HLA-DPA1: variants seen among roughly 807,000 people sequenced by gnomAD.
The protein encoded by HLA-DPA1 is major histocompatibility complex, class II, DP alpha 1.
In HLA-DPA1, 20 loss-of-function variants were observed where a neutral mutation model predicts 21.5. The observed-to-expected ratio is 0.93, with a 90% CI of 0.66 to 1.35. HLA-DPA1 has a LOEUF of 1.35. HLA-DPA1 is among the 40% of genes most tolerant of loss of function. HLA-DPA1 has a pLI of 0.00. For missense variants in HLA-DPA1, 279 were observed against 323.0 expected, an observed-to-expected ratio of 0.86 and a Z score of 1.05; for synonymous variants, 123 against 129.6, an observed-to-expected ratio of 0.95 and a Z score of 0.35.
chr6:33,080,655 C>A lies in HLA-DPA1; in HGVS notation c.-100+25G>T. The A allele has an allele frequency of 6.2e-7, 1 of 1,612,178 alleles. No individual in the cohort carries two copies. The highest frequency in any genetic ancestry group is 8.5e-7 in the Non-Finnish European group (1 of 1,179,226). On this transcript the variant is annotated intron_variant, in intron 1 of 5. Coordinates refer to ENST00000419277, the Ensembl canonical transcript of HLA-DPA1. This position sits in a 1 kb window ranked among gnomAD's most constrained non-coding sequence, Gnocchi z 4.3. ...ATGAGAGTGGCGCCTCCGCTCATGT[C>A]CGCCCCCTCCCCGCAGAGAATTACC...
chr6:33,069,798 G>A, exon 3 of HLA-DPA1: 1 of 1,611,302 alleles, frequency 6.2e-7, no homozygotes, highest in Non-Finnish European at 8.5e-7. Context: ...GATCCACATA[G>A]AACATCTCAT....
Position 33,070,937 on chromosome 6 carries a change from T to C in HLA-DPA1, c.101-1051A>G, listed in dbSNP as rs147581225. On this transcript the variant is annotated intron_variant, in intron 2 of 5. Transcript: ENST00000419277. ...TTGTTTCTTAGTCTTTATTAGTTTG[T>C]AAGAATTAGCAAAGATAAGAGGATA... Among the ~76,000 whole-genome samples the C allele has an allele frequency of 3.6e-3, 542 of 152,334 alleles. 3 individuals are homozygous for C. The highest frequency in any genetic ancestry group is 0.026 in the East Asian group (133 of 5,190).
intron 5 of HLA-DPA1, chr6:33,068,226 G>C (rs3179776): frequency 0.28 from 44,422 of 157,122 alleles, 8,431 homozygotes; most frequent in East Asian, 0.68. Context: ...TGGAGAATTT[G>C]AACTTGGTCT....
chr6:33,074,047 T>A (rs1417917448), intron 1 of HLA-DPA1, among the ~76,000 whole-genome samples: 1 of 152,230 alleles, frequency 6.6e-6, no homozygotes, highest in Non-Finnish European at 1.5e-5. Context: ...TAAGAATGAA[T>A]GTGCTATCTA....
At position 33,076,009 on chromosome 6, in the gene HLA-DPA1, G is replaced by A. The variant is rs760093942; in HGVS notation, c.-99-2340C>T. On this transcript the variant is annotated intron_variant, in intron 1 of 5. Transcript: ENST00000419277. ...GCGAGTCCTTCTTTTCCTGACTGCA[G>A]CTCTTTTCATTTTGCCATCCTTTTC... is the stretch of plus-strand genomic sequence containing the variant. 2.0e-6 allele frequency: 3 copies of A among 1,537,434 alleles called. No homozygotes were observed. The South Asian group carries it at 3.4e-5, about 18-fold the overall frequency.
intron 1 of HLA-DPA1, chr6:33,076,153 A>G (rs2071351): frequency 0.22 from 339,616 of 1,571,896 alleles, 47,468 homozygotes; most frequent in East Asian, 0.64. Flanking sequence ...TAAGAGCCGA[A>G]CTGCCATTCT....
chr6:33,071,331 T>C (rs1762273091), intron 2 of HLA-DPA1, among the ~76,000 whole-genome samples: 1 of 152,186 alleles, frequency 6.6e-6, no homozygotes. Context: ...CTCCTCAGTT[T>C]AAAGGACTCA....
chr6:33,072,897 C>T (rs947563888), intron 2 of HLA-DPA1, among the ~76,000 whole-genome samples: 1 of 152,166 alleles, frequency 6.6e-6, no homozygotes, highest in Non-Finnish European at 1.5e-5. Context: ...TTGTGACCAC[C>T]CACAAAGACC....
intron 5 of HLA-DPA1, 79 bp from the exon 5 acceptor site, chr6:33,065,426 A>T (rs1314743179): frequency 6.6e-6 from 1 of 152,300 alleles, no homozygotes; most frequent in Non-Finnish European, 1.5e-5. Context: ...CTCCCTTTGC[A>T]CCCGAGCTTC....
chr6:33,067,320 T>C (rs552153841), intron 5 of HLA-DPA1: 43,877 of 151,904 alleles, frequency 0.29, 8,371 homozygotes, highest in East Asian at 0.68. Context: ...TTGTCCCCTC[T>C]CCGGGTAATG....
rs1762762236 is a variant in HLA-DPA1, at chr6:33,080,215, G to A, written c.-100+465C>T. Among the ~76,000 whole-genome samples, 1 of 152,136 alleles carries A rather than the reference G, an allele frequency of 6.6e-6. No homozygotes were observed. The highest frequency in any genetic ancestry group is 2.4e-5 in the African/African-American group (1 of 41,424). ...TGGAAAAGAGAAAGAAGGAAGGGAG[G>A]GCTTCCTGGAGGAGGTGGCATTTGA... On this transcript the variant is annotated intron_variant, in intron 1 of 5. Coordinates refer to ENST00000419277, the Ensembl canonical transcript of HLA-DPA1. This position sits in a 1 kb window ranked among gnomAD's most constrained non-coding sequence, Gnocchi z 4.3.
intron 3 of HLA-DPA1, 54 bp downstream of exon 2, chr6:33,069,587 C>A: frequency 6.3e-7 from 1 of 1,598,344 alleles, no homozygotes; most frequent in South Asian, 1.1e-5. Flanking sequence ...GGCAGAGAGG[C>A]CCTCTCATCC....
At chr6:33,073,529 G>C (rs770839402) in exon 2 of HLA-DPA1, 3 of 1,613,036 alleles carry the variant, frequency 1.9e-6, no homozygotes, top group Non-Finnish European at 2.5e-6. Context: ...GGGCTCTCAA[G>C]ATCACAGCTC....
Position 33,080,686 on chromosome 6 carries a change from C to T in HLA-DPA1, c.-106G>A, listed in dbSNP as rs79389600. The T allele has an allele frequency of 1.9e-6, 3 of 1,612,594 alleles. No homozygotes were observed. The highest frequency in any genetic ancestry group is 1.1e-5 in the South Asian group (1 of 91,000). On this transcript the variant is annotated 5_prime_UTR_variant, in exon 1 of 6. Coordinates refer to ENST00000419277, the Ensembl canonical transcript of HLA-DPA1. The surrounding 1 kb of genome is among the most constrained non-coding windows in gnomAD (Gnocchi z 4.3). The stretch of plus-strand genomic sequence containing the variant: ...CCTCCCCGCAGAGAATTACCTTTTC[C>T]AGGGACGGCAGGAATGCTACGCGTT...
In HLA-DPA1 at chr6:33,080,326, G is replaced by A; in HGVS notation, c.-100+354C>T. On this transcript the variant is annotated intron_variant, in intron 1 of 5. Coordinates refer to ENST00000419277, the Ensembl canonical transcript of HLA-DPA1. This position sits in a 1 kb window ranked among gnomAD's most constrained non-coding sequence, Gnocchi z 4.3. ...GCCCTCCACGTCCCCAGCTCCTCCCGCCCCTGTTTTTTCTCCCAGTGACCC... is the reference window on the plus strand; with the variant it reads ...GCCCTCCACGTCCCCAGCTCCTCCCACCCCTGTTTTTTCTCCCAGTGACCC... 2 of 479,536 alleles carry A rather than the reference G, an allele frequency of 4.2e-6. No individual in the cohort carries two copies. The highest frequency in any genetic ancestry group is 1.7e-5 in the South Asian group (1 of 58,634). The allele number at this position is 479,536 out of a possible 1,614,324, so 29.7% of individuals were successfully genotyped here. A position where few individuals can be genotyped will look rare whatever the true frequency, so the allele number is the denominator to read the frequency against.
chr6:33,069,513 C>A, intron 3 of HLA-DPA1, 128 bp downstream of exon 2: 1 of 1,247,870 alleles, frequency 8.0e-7, no homozygotes, highest in Admixed American at 1.8e-5. Context: ...GTGGGATCAG[C>A]CCATGGCCAC....
Position 33,069,901 on chromosome 6 carries a change from T to A in HLA-DPA1, c.101-15A>T. ...CACATGGTCCGCTGCATAAAGACAG[T>A]AGAGAAAAACACGACAAAATGTCAG... On this transcript the variant is annotated splice_polypyrimidine_tract_variant and intron_variant, in intron 2 of 5. Transcript: ENST00000419277. The A allele has an allele frequency of 1.2e-6, 2 of 1,600,638 alleles. No homozygotes were observed. The highest frequency in any genetic ancestry group is 1.7e-6 in the Non-Finnish European group (2 of 1,172,474).
chr6:33,070,783 G>T (rs749996923), intron 2 of HLA-DPA1, among the ~76,000 whole-genome samples: 15 of 152,078 alleles, frequency 9.9e-5, no homozygotes, highest in Non-Finnish European at 2.1e-4. Flanking sequence ...GGGGTTTAGT[G>T]TACAGATTAT....
rs756188071 is a variant in HLA-DPA1 at position 33,069,638 on chromosome 6, T to C, written c.346+3A>G. On this transcript the variant is annotated splice_donor_region_variant and intron_variant, in intron 3 of 5. Coordinates refer to ENST00000419277, the Ensembl canonical transcript of HLA-DPA1. ...CAGAGGAAGAGGCAAAGATAGGGCG[T>C]ACCGTTGGTGGCCTGAGTGTGGTTG... 2 of 1,611,936 alleles carry C rather than the reference T, an allele frequency of 1.2e-6. No homozygotes were observed. The highest frequency in any genetic ancestry group is 1.7e-6 in the Non-Finnish European group (2 of 1,179,338).
Sources: gnomAD v4.1 joint callset for allele counts (sites outside exome capture counted in the v4.1 genomes callset) on GRCh38, gnomAD v4.1.1 for gene constraint, Gnocchi (gnomAD v3.1) non-coding constraint, MANE v1.5 for transcripts, NCBI Gene and HGNC (gene_info 2026-07-23, HGNC 2026-07-21) for gene names.